LRMDA: variants seen among roughly 807,000 people sequenced by gnomAD.
The protein encoded by LRMDA is leucine-rich melanocyte differentiation-associated protein.
In LRMDA, 18 loss-of-function variants were observed where a neutral mutation model predicts 29.8. That is an observed-to-expected ratio of 0.60 (90% CI 0.42 to 0.90). The LOEUF is 0.90. Among genes scored for constraint, LRMDA ranks in the 40% least tolerant of loss-of-function variants. LRMDA has a pLI of 0.00. For synonymous variants in LRMDA, 125 were observed against 109.4 expected (o/e 1.14, Z -0.89); for missense variants, 273 against 273.9 (o/e 1.00, Z 0.02).
chr10:75,649,249 A>G (rs182447280), intron 2 of LRMDA, among the ~76,000 whole-genome samples: 11 of 152,292 alleles, frequency 7.2e-5, no homozygotes, highest in Non-Finnish European at 1.3e-4. Context: ...CACTTAGCCT[A>G]TGTTCAAGGT....
intron 5 of LRMDA, among the ~76,000 whole-genome samples, chr10:76,310,032 C>T (rs963897071): frequency 6.6e-6 from 1 of 152,106 alleles, no homozygotes; most frequent in Admixed American, 6.5e-5. Context: ...AGACTTTATT[C>T]CTTTTAAGTG....
At chr10:76,515,443 C>A (rs1176647702) in intron 6 of LRMDA, among the ~76,000 whole-genome samples, 2 of 151,974 alleles carry the variant, frequency 1.3e-5, no homozygotes, top group African/African-American at 4.8e-5. Context: ...AGTATTTAAG[C>A]CATTAAAAAA....
At chr10:75,823,621 G>A (rs1303904519) in intron 2 of LRMDA, among the ~76,000 whole-genome samples, 3 of 151,870 alleles carry the variant, frequency 2.0e-5, no homozygotes, top group Non-Finnish European at 4.4e-5. Context: ...CCACTACTGG[G>A]TATCTACCCG....
intron 2 of LRMDA, among the ~76,000 whole-genome samples, chr10:75,987,234 T>G (rs943464895): frequency 5.3e-5 from 8 of 152,260 alleles, no homozygotes; most frequent in Non-Finnish European, 7.3e-5. Flanking sequence ...CTGGTCTTTA[T>G]GATAGTTGTA....
intron 5 of LRMDA, among the ~76,000 whole-genome samples, chr10:76,221,622 T>G (rs1226270533): frequency 6.6e-6 from 1 of 152,090 alleles, no homozygotes; most frequent in East Asian, 1.9e-4. Flanking sequence ...TAAAAGAGGA[T>G]ACAAACAAAT....
At chr10:76,372,399 G>C (rs1045802406) in intron 6 of LRMDA, among the ~76,000 whole-genome samples, 1 of 152,190 alleles carries the variant, frequency 6.6e-6, no homozygotes, top group Non-Finnish European at 1.5e-5. Flanking sequence ...GATCATCTGA[G>C]ATCAGGAGTT....
intron 2 of LRMDA, among the ~76,000 whole-genome samples, chr10:75,521,513 G>A (rs772327187): frequency 6.6e-6 from 1 of 152,258 alleles, no homozygotes; most frequent in Non-Finnish European, 1.5e-5. Flanking sequence ...GGCCCACCGA[G>A]CCAGGCACGG....
chr10:75,823,681 ATGTAGTG>A (rs1341333989), intron 2 of LRMDA, among the ~76,000 whole-genome samples: 2 of 131,342 alleles, frequency 1.5e-5, no homozygotes, highest in African/African-American at 5.5e-5. Context: ...TTGGATTAAA[ATGTAGTG>A]TGTGTGTGTG....
chr10:76,284,948 T>C (rs1363301733), intron 5 of LRMDA, among the ~76,000 whole-genome samples: 2 of 152,166 alleles, frequency 1.3e-5, no homozygotes, highest in Admixed American at 6.5e-5. Context: ...TGTGAGTCCA[T>C]CAAACCTCTT....
At chr10:75,612,861 C>T (rs915369228) in intron 2 of LRMDA, among the ~76,000 whole-genome samples, 1 of 150,858 alleles carries the variant, frequency 6.6e-6, no homozygotes, top group South Asian at 2.1e-4. Context: ...AGACATTTTT[C>T]AAAGTATTAA....
At chr10:76,526,926 C>CT (rs1843180986) in intron 6 of LRMDA, among the ~76,000 whole-genome samples, 2 of 148,606 alleles carry the variant, frequency 1.3e-5, no homozygotes, top group South Asian at 4.3e-4. Context: ...CACATGTATA[C>CT]ATATGTAACC....
intron 5 of LRMDA, among the ~76,000 whole-genome samples, chr10:76,246,226 A>C (rs933597859): frequency 2.0e-5 from 3 of 152,172 alleles, no homozygotes; most frequent in African/African-American, 7.2e-5. Flanking sequence ...CTGTAGGCTC[A>C]TTAGGAGGGG....
chr10:75,499,591 T>C (rs150851478), intron 2 of LRMDA, among the ~76,000 whole-genome samples: 2 of 152,332 alleles, frequency 1.3e-5, no homozygotes, highest in East Asian at 3.9e-4. Context: ...AAATGCTCAA[T>C]AACTGCTGGC....
chr10:76,094,473 T>C (rs1483728976), intron 5 of LRMDA, among the ~76,000 whole-genome samples: 1 of 152,186 alleles, frequency 6.6e-6, no homozygotes. Flanking sequence ...TATGGTGAAA[T>C]AGAATAGATG....
intron 6 of LRMDA, among the ~76,000 whole-genome samples, chr10:76,524,106 A>G (rs1843149701): frequency 6.6e-6 from 1 of 152,266 alleles, no homozygotes; most frequent in Admixed American, 6.5e-5. Flanking sequence ...GTTTGGATGT[A>G]ATAAACATCA....
chr10:75,461,016 G>A (rs550256656), intron 2 of LRMDA, among the ~76,000 whole-genome samples: 7 of 152,138 alleles, frequency 4.6e-5, no homozygotes, highest in African/African-American at 1.2e-4. Context: ...TGAAGCCCTC[G>A]TAAGGGAAAA....
intron 6 of LRMDA, among the ~76,000 whole-genome samples, chr10:76,453,796 G>A (rs1385218909): frequency 1.3e-5 from 2 of 152,188 alleles, no homozygotes; most frequent in Non-Finnish European, 2.9e-5. Flanking sequence ...TGGCTGATTA[G>A]GGTTCTAATG....
At chr10:75,450,979 G>A (rs1265987175) in intron 2 of LRMDA, 3 of 152,250 alleles carry the variant, frequency 2.0e-5, no homozygotes, top group Non-Finnish European at 4.4e-5. Context: ...CGTTTCTGGG[G>A]AGACACTAGC....
intron 6 of LRMDA, among the ~76,000 whole-genome samples, chr10:76,427,908 A>G (rs1459815903): frequency 1.3e-5 from 2 of 152,152 alleles, no homozygotes; most frequent in East Asian, 3.9e-4. Flanking sequence ...GATTATGTCT[A>G]TTGATTTGCA....
Sources: allele counts gnomAD v4.1 joint callset (sites outside exome capture counted in the v4.1 genomes callset), GRCh38; gene constraint gnomAD v4.1.1; transcripts MANE v1.5; gene names NCBI Gene and HGNC (gene_info 2026-07-23, HGNC 2026-07-21).